DDX10: variants seen among roughly 807,000 people sequenced by gnomAD.
DDX10 encodes probable ATP-dependent RNA helicase DDX10.
DDX10 carries 74 observed loss-of-function variants against 104.3 expected under a neutral mutation model. The ratio of observed to expected loss-of-function variants is 0.71; its 90% CI spans 0.59 to 0.86. DDX10 has a LOEUF of 0.86. Among genes scored for constraint, DDX10 ranks in the 40% least tolerant of loss-of-function variants. The probability of loss-of-function intolerance (pLI) is 0.00; values close to 1 mark genes in which losing one functional copy is unlikely to be tolerated. For missense variants in DDX10, 952 were observed against 1,040.0 expected (o/e 0.92, Z 1.16); for synonymous variants, 351 against 353.4 (o/e 0.99, Z 0.08).
At chr11:108,923,966 T>C (rs1863875123) in intron 17 of DDX10, among the ~76,000 whole-genome samples, 1 of 152,176 alleles carries the variant, frequency 6.6e-6, no homozygotes, top group South Asian at 2.1e-4. Flanking sequence ...AAATTGTTTC[T>C]TATAGCTGTG....
intron 14 of DDX10, among the ~76,000 whole-genome samples, chr11:108,840,706 T>G (rs918741300): frequency 8.5e-5 from 13 of 152,214 alleles, no homozygotes; most frequent in African/African-American, 3.1e-4. Flanking sequence ...CCTTTTCAGT[T>G]AGTTATTTCA....
At position 108,831,387 on chromosome 11, in the gene DDX10, T is replaced by C. The variant is rs1462358484; in HGVS notation, c.1966-7059T>C. Among the ~76,000 whole-genome samples, 8 of 128,242 alleles carry C rather than the reference T, an allele frequency of 6.2e-5. No individual in the cohort carries two copies. The Admixed American group carries it at 8.3e-4, about 13-fold the overall frequency. 84.1% of individuals were successfully genotyped at this position (128,242 alleles called of 152,430 possible). ...CCACTGCACTCTTCCCTGGCGCCAC[T>C]GCACCCCAGCCTGGTGACAGAGCGA... On this transcript the variant is annotated intron_variant, in intron 13 of 17. Transcript: ENST00000322536.
rs1314161093 is a variant in DDX10, at chr11:108,855,551, C to T, written c.2304+3342C>T. Among the ~76,000 whole-genome samples the T allele has an allele frequency of 2.6e-5, 4 of 152,254 alleles. No homozygotes were observed. The East Asian group carries it at 7.7e-4, about 29-fold the overall frequency. On this transcript the variant is annotated intron_variant, in intron 16 of 17. Coordinates refer to ENST00000322536, the MANE Select transcript of DDX10 (RefSeq NM_004398.4). The stretch of plus-strand genomic sequence containing the variant: ...CTTGGCCCACTGCAACCTCCGCCTC[C>T]CAGGTTCAAGCGATTCTCCTGCCTC...
chr11:108,922,246 A>AAAAAAAAAAAAAAAAAG (rs1863841442), intron 17 of DDX10: 1 of 13,436 alleles, frequency 7.4e-5, no homozygotes, highest in Non-Finnish European at 1.8e-4. Context: ...TCCATCTCAA[A>AAAAAAAAAAAAAAAAAG]AAAAAAAAAA....
intron 16 of DDX10, among the ~76,000 whole-genome samples, chr11:108,867,708 G>T (rs1198216135): frequency 3.3e-5 from 5 of 152,174 alleles, no homozygotes; most frequent in African/African-American, 7.2e-5. Context: ...ATTAGAACAT[G>T]TAGTCTGTTA....
intron 9 of DDX10, among the ~76,000 whole-genome samples, chr11:108,694,218 TGAAACCACAGAAAGC>T (rs1001280153): frequency 2.0e-5 from 3 of 152,300 alleles, no homozygotes; most frequent in African/African-American, 7.2e-5. Context: ...TGGGGGTAAC[TGAAACCACAGAAAGC>T]GAAACCACAG....
rs1408851743 is a variant in DDX10, at chr11:108,691,927, C to G, written c.1027C>G (p.Leu343Val). 6.2e-7 allele frequency: 1 copy of G among 1,614,006 alleles called. No homozygotes were observed. The highest frequency in any genetic ancestry group is 8.5e-7 in the Non-Finnish European group (1 of 1,179,998). ...FCRLRPGVSI[L>V]ALHGRQQQMR... is the part of the protein sequence containing the mutation. ...CCGGCTACGTCCTGGTGTTTCTATC[C>G]TTGCACTCCATGGTCGACAGCAGCA... The change falls in exon 8 of 18, where the codon CTT (leucine) becomes GTT (valine). Residue 343 changes from leucine (L) to valine (V), a missense_variant. Physicochemically the swap from Leu to Val is conservative, Grantham distance 32. This residue lies in a region of DDX10 where 412 missense variants were observed against 479.2 expected (regional missense o/e 0.86). Coordinates refer to ENST00000322536, the MANE Select transcript of DDX10 (RefSeq NM_004398.4).
chr11:108,692,298 G>T (rs2094253787), intron 8 of DDX10, among the ~76,000 whole-genome samples: 1 of 152,072 alleles, frequency 6.6e-6, no homozygotes, highest in African/African-American at 2.4e-5. Flanking sequence ...ATCAAAGGGG[G>T]TTAAAAGTTT....
chr11:108,928,496 T>C (rs1170183812), intron 17 of DDX10, among the ~76,000 whole-genome samples: 1 of 152,186 alleles, frequency 6.6e-6, no homozygotes, highest in Non-Finnish European at 1.5e-5. Context: ...TGTATTATTA[T>C]CAACTTTGCA....
At chr11:108,797,375 G>A (rs997006839) in intron 13 of DDX10, among the ~76,000 whole-genome samples, 4 of 152,100 alleles carry the variant, frequency 2.6e-5, no homozygotes, top group East Asian at 1.9e-4. Flanking sequence ...ATTCAATTAC[G>A]GCAGCGCAAA....
chr11:108,707,777 A>G (rs1215142966), intron 10 of DDX10, among the ~76,000 whole-genome samples: 1 of 152,212 alleles, frequency 6.6e-6, no homozygotes, highest in Non-Finnish European at 1.5e-5. Context: ...GTTAAACCAC[A>G]TCAGTAATAT....
intron 13 of DDX10, among the ~76,000 whole-genome samples, chr11:108,769,802 T>C (rs932286983): frequency 3.9e-5 from 6 of 152,194 alleles, no homozygotes; most frequent in African/African-American, 1.4e-4. Flanking sequence ...AGAGCTTTTG[T>C]TTCTGTGGGT....
intron 17 of DDX10, among the ~76,000 whole-genome samples, chr11:108,930,386 G>A (rs1402164872): frequency 2.0e-5 from 3 of 152,092 alleles, no homozygotes; most frequent in Non-Finnish European, 2.9e-5. Flanking sequence ...ATCACAGTTT[G>A]TTCATCTATT....
intron 4 of DDX10, among the ~76,000 whole-genome samples, 185 bp from the exon 5 acceptor site, chr11:108,678,130 T>G (rs573385081): frequency 6.6e-6 from 1 of 152,326 alleles, no homozygotes; most frequent in East Asian, 1.9e-4. Flanking sequence ...TGTCTTCCTG[T>G]AAAGACTTTT....
intron 16 of DDX10, among the ~76,000 whole-genome samples, chr11:108,911,461 C>T (rs1863676338): frequency 6.6e-6 from 1 of 151,532 alleles, no homozygotes; most frequent in Admixed American, 6.6e-5. Context: ...AGGGGCTGAG[C>T]AAGTTTCCTC....
intron 13 of DDX10, among the ~76,000 whole-genome samples, chr11:108,776,268 T>C (rs144833312): frequency 3.9e-5 from 6 of 152,340 alleles, no homozygotes; most frequent in African/African-American, 1.4e-4. Context: ...AACTGTTATT[T>C]CTATCTGAGC....
intron 15 of DDX10, 119 bp downstream of exon 15, chr11:108,841,595 T>A: frequency 1.1e-6 from 1 of 942,042 alleles, no homozygotes; most frequent in Non-Finnish European, 1.5e-6. Context: ...CTCTGACACT[T>A]CTTTTTCTGT....
intron 13 of DDX10, among the ~76,000 whole-genome samples, chr11:108,728,987 G>A (rs1489828368): frequency 7.9e-5 from 12 of 151,744 alleles, no homozygotes; most frequent in Admixed American, 3.3e-4. Flanking sequence ...TTGAATCTCC[G>A]TTTAAAGAGT....
At chr11:108,803,429 A>G (rs1257174620) in intron 13 of DDX10, among the ~76,000 whole-genome samples, 1 of 152,052 alleles carries the variant, frequency 6.6e-6, no homozygotes, top group African/African-American at 2.4e-5. Context: ...CCCCATCTCT[A>G]CTAAAAATAA....
Sources: gnomAD v4.1 joint callset for allele counts (sites outside exome capture counted in the v4.1 genomes callset) on GRCh38, gnomAD v4.1.1 for gene constraint, gnomAD v4.1.1 regional missense constraint, MANE v1.5 for transcripts, NCBI Gene and HGNC (gene_info 2026-07-23, HGNC 2026-07-21) for gene names.